Variants in CNKSR3 observed in about 807,000 individuals in gnomAD.
CNKSR3 encodes connector enhancer of kinase suppressor of ras 3.
Under a neutral mutation model 67.7 loss-of-function variants are expected in CNKSR3, and 36 were observed. That is an observed-to-expected ratio of 0.53 (90% CI 0.41 to 0.70). CNKSR3 has a LOEUF of 0.70. Ranked by LOEUF, CNKSR3 falls within the 30% of genes least tolerant of loss-of-function variation. The pLI is 0.00. For synonymous variants in CNKSR3, 281 were observed against 271.4 expected (o/e 1.04, Z -0.35); for missense variants, 630 against 695.2 (o/e 0.91, Z 1.05).
intron 4 of CNKSR3, among the ~76,000 whole-genome samples, chr6:154,435,330 C>G (rs1480553816): frequency 6.6e-6 from 1 of 152,146 alleles, no homozygotes; most frequent in Non-Finnish European, 1.5e-5. Context: ...ACTGTCACTT[C>G]AGGGAGACCA....
intron 1 of CNKSR3, among the ~76,000 whole-genome samples, chr6:154,503,124 A>G (rs1410843629): frequency 6.6e-6 from 1 of 152,168 alleles, no homozygotes; most frequent in South Asian, 2.1e-4. Context: ...GTCATTTCCC[A>G]TCAACAATAA....
Position 154,397,729 on chromosome 6 carries a change from G to A in CNKSR3, c.*8625C>T, listed in dbSNP as rs960544272. 2.2e-4 allele frequency: 33 copies of A among 151,566 alleles called. No homozygotes were observed. The highest frequency in any genetic ancestry group is 6.8e-4 in the African/African-American group (28 of 41,194). The allele number at this position is 151,566 out of a possible 1,614,324, so 9.4% of individuals were successfully genotyped here. On this transcript the variant is annotated 3_prime_UTR_variant, in exon 13 of 13. Transcript: ENST00000607772. ...AACAGATGAGTAAAAGCAAATCTGCGGCCATCACTAGGTGCACAGTGCAGT... is the reference window on the plus strand; with the variant it reads ...AACAGATGAGTAAAAGCAAATCTGCAGCCATCACTAGGTGCACAGTGCAGT...
Position 154,390,513 on chromosome 6 carries a change from ATAAATTTCTTC to A in CNKSR3, c.*15830_*15840del, listed in dbSNP as rs1784592699. ...ACAGGAAATGGGAGGCTCCCAGAGG[ATAAATTTCTTC>A]TTCCCTTCCTCTCGTCTCTGGACTA... On this transcript the variant is annotated 3_prime_UTR_variant, in exon 13 of 13. Transcript: ENST00000607772. 6.6e-6 allele frequency: 1 copy of A among 152,238 alleles called. No individual in the cohort carries two copies. The highest frequency in any genetic ancestry group is 1.5e-5 in the Non-Finnish European group (1 of 68,054). 9.4% of individuals were successfully genotyped at this position (152,238 alleles called of 1,614,324 possible).
chr6:154,441,440 G>C, intron 3 of CNKSR3, 61 bp from the exon 4 acceptor site: 1 of 1,253,506 alleles, frequency 8.0e-7, no homozygotes, highest in South Asian at 1.2e-5. Context: ...GATCCCACTG[G>C]ATGTTGGTAA....
intron 7 of CNKSR3, among the ~76,000 whole-genome samples, chr6:154,423,520 A>G (rs1356349452): frequency 6.6e-6 from 1 of 152,168 alleles, no homozygotes; most frequent in East Asian, 1.9e-4. Context: ...AGCCTCCCAA[A>G]GTGCTGGGAT....
At chr6:154,439,766 C>T (rs1054180500) in intron 4 of CNKSR3, among the ~76,000 whole-genome samples, 2 of 152,086 alleles carry the variant, frequency 1.3e-5, no homozygotes, top group African/African-American at 4.8e-5. Flanking sequence ...GTAGCATGCA[C>T]CTGCAGTCCC....
intron 1 of CNKSR3, among the ~76,000 whole-genome samples, chr6:154,502,929 C>G (rs1382220051): frequency 1.3e-5 from 2 of 152,130 alleles, no homozygotes; most frequent in Admixed American, 1.3e-4. Flanking sequence ...CATGGGGACA[C>G]AGACGGGAGG....
At chr6:154,425,093 C>T (rs1785230185) in intron 7 of CNKSR3, among the ~76,000 whole-genome samples, 2 of 152,174 alleles carry the variant, frequency 1.3e-5, no homozygotes, top group Admixed American at 6.5e-5. Context: ...TCTTACATCA[C>T]TTAAAAAATG....
At chr6:154,466,916 C>A (rs1439404045) in intron 1 of CNKSR3, among the ~76,000 whole-genome samples, 3 of 151,842 alleles carry the variant, frequency 2.0e-5, no homozygotes, top group Non-Finnish European at 4.4e-5. Context: ...TGAGCTCAGC[C>A]CACCTGTATT....
rs1203332489 is a variant in CNKSR3, at chr6:154,510,197, G to C, written c.-83C>G. The C allele has an allele frequency of 6.5e-7, 1 of 1,547,686 alleles. No homozygotes were observed. Among genetic ancestry groups the C allele is most frequent in the African/African-American group, 1.4e-5 (1 of 73,722 alleles). Reference sequence around the variant, plus strand: ...GCGCTCCGGTGCCCCTTCCCGGGAGGGCGCGCCCGCGGCTGCTCCCCTGCG... The same window carrying C: ...GCGCTCCGGTGCCCCTTCCCGGGAGCGCGCGCCCGCGGCTGCTCCCCTGCG... On this transcript the variant is annotated 5_prime_UTR_variant, in exon 1 of 13. Transcript: ENST00000607772.
intron 1 of CNKSR3, among the ~76,000 whole-genome samples, chr6:154,500,496 G>A (rs1200885267): frequency 6.6e-6 from 1 of 152,162 alleles, no homozygotes; most frequent in Non-Finnish European, 1.5e-5. Flanking sequence ...TCACAGCTGG[G>A]TGTGAGCAAG....
intron 1 of CNKSR3, among the ~76,000 whole-genome samples, chr6:154,472,626 T>C (rs1245879627): frequency 3.3e-5 from 5 of 152,160 alleles, no homozygotes; most frequent in African/African-American, 1.2e-4. Context: ...AAACCACGAC[T>C]GTTTTGGTCC....
In CNKSR3 at chr6:154,440,493, T is replaced by C. The variant is rs183511109; in HGVS notation, c.507+799A>G. On this transcript the variant is annotated intron_variant, in intron 4 of 12. Coordinates refer to ENST00000607772, the MANE Select transcript of CNKSR3 (RefSeq NM_173515.4). ...GACAGAAGGTAGTCCTAAGAGCTGA[T>C]GGTCCAAGAAGAAATTTTTTTTTAA... Among the ~76,000 whole-genome samples the C allele has an allele frequency of 2.2e-3, 340 of 152,328 alleles. 1 individual carries two copies. The highest frequency in any genetic ancestry group is 7.8e-3 in the African/African-American group (325 of 41,564).
At chr6:154,489,531 AAAACAAACAAAC>A (rs34366789) in intron 1 of CNKSR3, among the ~76,000 whole-genome samples, 344 of 150,944 alleles carry the variant, frequency 2.3e-3, no homozygotes, top group African/African-American at 8.1e-3. Context: ...AGTCCATCTC[AAAACAAACAAAC>A]AAACAAACAA....
chr6:154,416,071 G>A (rs578262413), intron 9 of CNKSR3, among the ~76,000 whole-genome samples: 47 of 152,236 alleles, frequency 3.1e-4, no homozygotes, highest in African/African-American at 1.1e-3. Flanking sequence ...ACTTGAGCTC[G>A]AGAGTTCAAG....
At chr6:154,441,251 A>C (rs1312253529) in intron 4 of CNKSR3, 41 bp downstream of exon 4, 6 of 1,224,218 alleles carry the variant, frequency 4.9e-6, no homozygotes, top group Non-Finnish European at 5.8e-6. Context: ...GCAAAAAAAA[A>C]AAAAAAAAAA....
chr6:154,496,508 A>G (rs1786881619), intron 1 of CNKSR3, among the ~76,000 whole-genome samples: 2 of 142,284 alleles, frequency 1.4e-5, no homozygotes, highest in Non-Finnish European at 1.6e-5. Flanking sequence ...AAGAGAATAA[A>G]GCCATCTTTC....
intron 1 of CNKSR3, among the ~76,000 whole-genome samples, chr6:154,450,667 T>G (rs1785808491): frequency 6.6e-6 from 1 of 152,140 alleles, no homozygotes; most frequent in African/African-American, 2.4e-5. Context: ...CCACAGTGGG[T>G]GGCACATGGC....
At chr6:154,495,464 G>A (rs991217221) in intron 1 of CNKSR3, among the ~76,000 whole-genome samples, 61 of 151,106 alleles carry the variant, frequency 4.0e-4, no homozygotes, top group Non-Finnish European at 8.2e-4. Context: ...GAACTCCTAG[G>A]CTCAAACAAT....
Sources: allele counts gnomAD v4.1 joint callset (sites outside exome capture counted in the v4.1 genomes callset), GRCh38; gene constraint gnomAD v4.1.1; transcripts MANE v1.5; gene names NCBI Gene and HGNC (gene_info 2026-07-23, HGNC 2026-07-21).